Variants in MICAL2 observed in about 807,000 individuals in gnomAD.
MICAL2 encodes the protein [F-actin]-monooxygenase MICAL2.
A neutral mutation model predicts 127.3 loss-of-function variants in MICAL2; 77 were observed. The ratio of observed to expected loss-of-function variants is 0.60; its 90% CI spans 0.50 to 0.73. The LOEUF is 0.73. Among genes scored for constraint, MICAL2 ranks in the 30% least tolerant of loss-of-function variants. The pLI is 0.00. For synonymous variants in MICAL2, 570 were observed against 551.1 expected, an observed-to-expected ratio of 1.03 and a Z score of -0.48; for missense variants, 1,351 against 1,434.4, an observed-to-expected ratio of 0.94 and a Z score of 0.94.
chr11:12,119,158 CT>C (rs1383799002), intron 1 of MICAL2, among the ~76,000 whole-genome samples: 1 of 152,170 alleles, frequency 6.6e-6, no homozygotes, highest in Admixed American at 6.5e-5. Context: ...GGGTTCCCCC[CT>C]CCTCCCCTCG....
At chr11:12,287,421 TAC>T (rs111335556), downstream of MICAL2, 7 of 318,838 alleles carry the variant, frequency 2.2e-5, no homozygotes, top group African/African-American at 1.3e-4. Context: ...CTTAGGATTC[TAC>T]AGTTTCACCC....
Position 12,189,293 on chromosome 11 carries a change from G to T in MICAL2, c.265-14957G>T, listed in dbSNP as rs142380050. On this transcript the variant is annotated intron_variant, in intron 3 of 27. Transcript: ENST00000683283. ...AGTTCTCTTGCTCAGGAACCTTGAT[G>T]TTTTTTTTGTTTTGTTTTTGTTTTT... is the stretch of plus-strand genomic sequence containing the variant. Among the ~76,000 whole-genome samples the T allele has an allele frequency of 5.7e-3, 861 of 151,940 alleles. 11 individuals are homozygous for T. Among genetic ancestry groups the T allele is most frequent in the African/African-American group, 0.02 (841 of 41,436 alleles).
At chr11:12,256,601 A>T in intron 23 of MICAL2, 184 bp from the exon 24 acceptor site, 1 of 547,196 alleles carries the variant, frequency 1.8e-6, no homozygotes, top group Non-Finnish European at 3.2e-6. Flanking sequence ...AAGCCCCTGC[A>T]GGGTTGGGGT....
downstream of MICAL2, among the ~76,000 whole-genome samples, chr11:12,288,125 G>T (rs890937141): frequency 6.6e-6 from 1 of 152,218 alleles, no homozygotes; most frequent in Non-Finnish European, 1.5e-5. Context: ...CTTGGGAGCA[G>T]GACCCAGGGC....
intron 1 of MICAL2, among the ~76,000 whole-genome samples, chr11:12,137,808 G>C (rs535982272): frequency 6.6e-6 from 1 of 152,148 alleles, no homozygotes; most frequent in African/African-American, 2.4e-5. Flanking sequence ...TCTGGGCTTC[G>C]TTTTCCAAAC....
Position 12,209,500 on chromosome 11 carries a change from T to C in MICAL2, c.593T>C (p.Ile198Thr), listed in dbSNP as rs766248676. The C allele has an allele frequency of 8.7e-6, 14 of 1,613,056 alleles. No homozygotes were observed. The highest frequency in any genetic ancestry group is 8.3e-5 in the Admixed American group (5 of 60,026). ...TCTCATTTCTCTGTCCTGGTAGAAA[T>C]TGGCTGGCGGGCAGAATTTCTCCCT... ...EPPEDQENQK[I>T]GWRAEFLPTD... is the part of the protein sequence containing the mutation. Residue 198 changes from isoleucine (I) to threonine (T), a missense_variant, in exon 6 of 28, where the codon ATT becomes ACT. Coordinates refer to ENST00000683283, the MANE Select transcript of MICAL2 (RefSeq NM_001282663.2).
At chr11:12,144,287 T>C (rs73412295) in intron 2 of MICAL2, among the ~76,000 whole-genome samples, 1 of 152,316 alleles carries the variant, frequency 6.6e-6, no homozygotes, top group African/African-American at 2.4e-5. Context: ...AAGAGTCCAA[T>C]GTCTTTATTC....
At chr11:12,132,605 G>C (rs1266359493) in intron 1 of MICAL2, among the ~76,000 whole-genome samples, 2 of 152,246 alleles carry the variant, frequency 1.3e-5, no homozygotes, top group Non-Finnish European at 2.9e-5. Context: ...CTGCCAGCTG[G>C]GCGCTGGGCG....
At chr11:12,130,673 G>A (rs982151456) in intron 1 of MICAL2, among the ~76,000 whole-genome samples, 48 of 152,150 alleles carry the variant, frequency 3.2e-4, no homozygotes, top group African/African-American at 1.1e-3. Flanking sequence ...CTACAACCTC[G>A]GCTTTACCTG....
chr11:12,319,619 G>T (rs143953718), intron 29 of MICAL2: 14,152 of 1,042,864 alleles, frequency 0.014, 126 homozygotes, highest in South Asian at 0.017. Flanking sequence ...AAGTGGGGGA[G>T]GAGGAAGCAG....
At chr11:12,313,621 T>A (rs972276026) in intron 29 of MICAL2, among the ~76,000 whole-genome samples, 48 of 152,318 alleles carry the variant, frequency 3.2e-4, no homozygotes, top group African/African-American at 1.2e-3. Flanking sequence ...ATTAATATAC[T>A]CTAGTTATTG....
chr11:12,360,150 G>A (rs1399107993), downstream of MICAL2, among the ~76,000 whole-genome samples: 2 of 144,480 alleles, frequency 1.4e-5, no homozygotes, highest in African/African-American at 5.0e-5. Flanking sequence ...GTCTTCCAGG[G>A]CCTGAATTCT....
intron 1 of MICAL2, among the ~76,000 whole-genome samples, chr11:12,114,780 G>A (rs1849871791): frequency 6.6e-6 from 1 of 152,196 alleles, no homozygotes; most frequent in Non-Finnish European, 1.5e-5. Context: ...CTCAGCACGC[G>A]TCGGTCTGTA....
intron 32 of MICAL2, among the ~76,000 whole-genome samples, chr11:12,329,486 T>C (rs1056787653): frequency 1.3e-5 from 2 of 152,152 alleles, no homozygotes; most frequent in Admixed American, 1.3e-4. Context: ...TGGTGGGAAG[T>C]GGGGAGCTGT....
intron 3 of MICAL2, among the ~76,000 whole-genome samples, chr11:12,171,247 C>T (rs1291118926): frequency 6.6e-6 from 1 of 152,166 alleles, no homozygotes; most frequent in Admixed American, 6.5e-5. Context: ...AGAAAACCCT[C>T]TTGCAGCTCC....
chr11:12,176,953 A>G (rs1045185752), intron 3 of MICAL2, among the ~76,000 whole-genome samples: 48 of 152,308 alleles, frequency 3.2e-4, no homozygotes, highest in African/African-American at 1.1e-3. Flanking sequence ...CTATTTCTTC[A>G]TGATCTATGG....
At chr11:12,173,901 A>T (rs1018132731) in intron 3 of MICAL2, among the ~76,000 whole-genome samples, 7 of 152,172 alleles carry the variant, frequency 4.6e-5, no homozygotes, top group Admixed American at 4.6e-4. Flanking sequence ...TTAAAAATAT[A>T]TTTAACCAAA....
At chr11:12,282,015 G>GTCCTGCA (rs1337588762) in intron 2 of MICAL2, among the ~76,000 whole-genome samples, 5 of 152,166 alleles carry the variant, frequency 3.3e-5, no homozygotes, top group African/African-American at 1.2e-4. Context: ...AGCTCAACTT[G>GTCCTGCA]TCCTGCATCG....
intron 29 of MICAL2, among the ~76,000 whole-genome samples, chr11:12,318,186 A>G (rs1864252001): frequency 6.6e-6 from 1 of 152,192 alleles, no homozygotes; most frequent in South Asian, 2.1e-4. Context: ...CCACCCTTCC[A>G]CAACAATTCT....
Sources: allele counts gnomAD v4.1 joint callset (sites outside exome capture counted in the v4.1 genomes callset), GRCh38; gene constraint gnomAD v4.1.1; transcripts MANE v1.5; gene names NCBI Gene and HGNC (gene_info 2026-07-23, HGNC 2026-07-21).